The following KCNMA1 variants were observed in gnomAD, a reference collection of about 807,000 sequenced individuals.
KCNMA1 encodes potassium calcium-activated channel subfamily M alpha 1, also known as Calcium-activated potassium channel subunit alpha-1.
KCNMA1 carries 29 observed loss-of-function variants against 140.0 expected under a neutral mutation model. The ratio of observed to expected loss-of-function variants is 0.21; its 90% confidence interval spans 0.15 to 0.28. KCNMA1 has a LOEUF of 0.28. Ranked by LOEUF, KCNMA1 falls within the 10% of genes least tolerant of loss-of-function variation. KCNMA1 has a pLI of 1.00. For synonymous variants in KCNMA1, 612 were observed against 611.9 expected (o/e 1.00, Z 0.00); for missense variants, 880 against 1,602.2 (o/e 0.55, Z 7.70).
chr10:77,321,759 A>G (rs966435371), intron 2 of KCNMA1, among the ~76,000 whole-genome samples: 2 of 151,944 alleles, frequency 1.3e-5, no homozygotes. Flanking sequence ...TTCTTCTGAG[A>G]CTCAAAATAA....
At chr10:77,091,912 T>C (rs544373309) in intron 9 of KCNMA1, 57 of 152,364 alleles carry the variant, frequency 3.7e-4, no homozygotes, top group African/African-American at 1.3e-3. Flanking sequence ...GGTGAAAGGA[T>C]AATGATGCAG....
chr10:77,176,955 G>A (rs1215341031), intron 5 of KCNMA1, among the ~76,000 whole-genome samples: 8 of 152,292 alleles, frequency 5.3e-5, no homozygotes. Context: ...CTTAAAAGTA[G>A]AAGAAGGAGG....
At chr10:77,492,384 C>G (rs1223293256) in intron 1 of KCNMA1, among the ~76,000 whole-genome samples, 5 of 152,214 alleles carry the variant, frequency 3.3e-5, no homozygotes, top group Non-Finnish European at 7.3e-5. Context: ...CCTTGGCCTT[C>G]TGCATCTAAT....
Position 77,554,527 on chromosome 10 carries a change from G to A in KCNMA1, c.378+82738C>T, listed in dbSNP as rs912522500. On this transcript the variant is annotated intron_variant, in intron 1 of 27. Coordinates refer to ENST00000286628, the MANE Select transcript of KCNMA1 (RefSeq NM_001161352.2). ...CAGGAGAATCACTTGAACCTGGGAC[G>A]CAGAGGTTGCAGTGAGCCGAGATTG... Among the ~76,000 whole-genome samples the A allele has an allele frequency of 7.0e-5, 10 of 143,686 alleles. 1 individual carries two copies. The highest frequency in any genetic ancestry group is 2.2e-4 in the Admixed American group (3 of 13,458). 94.3% of individuals were successfully genotyped at this position (143,686 alleles called of 152,430 possible).
chr10:77,115,571 C>T (rs1247064555), intron 6 of KCNMA1, among the ~76,000 whole-genome samples: 1 of 152,152 alleles, frequency 6.6e-6, no homozygotes, highest in African/African-American at 2.4e-5. Flanking sequence ...GGGACCTGAA[C>T]ACAGCAGTGT....
chr10:77,244,149 A>T (rs1470204584), intron 3 of KCNMA1, among the ~76,000 whole-genome samples: 1 of 152,190 alleles, frequency 6.6e-6, no homozygotes, highest in South Asian at 2.1e-4. Context: ...GTAGAAAAGG[A>T]CTGGGAGAGA....
intron 5 of KCNMA1, among the ~76,000 whole-genome samples, chr10:77,172,834 G>C (rs2098720281): frequency 6.6e-6 from 1 of 152,156 alleles, no homozygotes; most frequent in African/African-American, 2.4e-5. Context: ...GAATGTCCCA[G>C]ATCAAGGCGA....
At chr10:76,927,044 T>C (rs1453701489) in intron 23 of KCNMA1, among the ~76,000 whole-genome samples, 1 of 152,136 alleles carries the variant, frequency 6.6e-6, no homozygotes, top group Non-Finnish European at 1.5e-5. Context: ...TCTTCATCTG[T>C]AAAATAGGAA....
rs1371351993 is a variant in KCNMA1, at chr10:76,891,671, C to G, written c.3196G>C (p.Gly1066Arg). The G allele has an allele frequency of 6.2e-7, 1 of 1,613,970 alleles. No individual in the cohort carries two copies. The highest frequency in any genetic ancestry group is 1.3e-5 in the African/African-American group (1 of 74,916). The change falls in exon 26 of 28, where the codon GGA becomes CGA. Residue 1066 changes from glycine to arginine, a missense_variant. Transcript: ENST00000286628. ...GCCTCCAGCTCCGGCGTGGCTCCTCCGGTCACCAGGGTCCGTATCAGGGTG... is the reference window on the plus strand; with the variant it reads ...GCCTCCAGCTCCGGCGTGGCTCCTCGGGTCACCAGGGTCCGTATCAGGGTG... ...ILTLIRTLVT[G>R]GATPELEALI...
intron 1 of KCNMA1, among the ~76,000 whole-genome samples, chr10:77,566,695 C>G (rs1006400799): frequency 2.0e-5 from 3 of 152,198 alleles, no homozygotes; most frequent in African/African-American, 7.2e-5. Context: ...ATGATTCCAT[C>G]TGACTGCTTC....
chr10:77,229,197 T>A (rs1487281098), intron 3 of KCNMA1, among the ~76,000 whole-genome samples: 1 of 152,160 alleles, frequency 6.6e-6, no homozygotes, highest in African/African-American at 2.4e-5. Context: ...AATCTCTAGT[T>A]CAATGGTTAG....
chr10:76,983,940 C>T lies in KCNMA1; in HGVS notation c.2267-13873G>A, dbSNP rs189620910. 4.6e-5 allele frequency among the ~76,000 whole-genome samples: 7 copies of T among 151,924 alleles called. No homozygotes were observed. The East Asian group carries it at 7.7e-4, about 17-fold the overall frequency. On this transcript the variant is annotated intron_variant, in intron 19 of 27. Transcript: ENST00000286628. ...ATATAGCTGTGTCTTTTTTAAAAAA[C>T]GGTTGAAAAATTGGGTATGTGTGGA...
intron 16 of KCNMA1, among the ~76,000 whole-genome samples, chr10:77,027,100 A>C (rs1049458837): frequency 6.6e-6 from 1 of 152,192 alleles, no homozygotes; most frequent in African/African-American, 2.4e-5. Flanking sequence ...CAAAAAAATC[A>C]TCTCTATTTT....
At chr10:76,899,985 T>C (rs1167401965) in intron 25 of KCNMA1, among the ~76,000 whole-genome samples, 1 of 152,114 alleles carries the variant, frequency 6.6e-6, no homozygotes, top group Non-Finnish European at 1.5e-5. Context: ...ACTTTTTCTG[T>C]ATTTAAAATT....
chr10:77,511,522 C>T (rs2048373573), intron 1 of KCNMA1, among the ~76,000 whole-genome samples: 1 of 152,218 alleles, frequency 6.6e-6, no homozygotes, highest in Admixed American at 6.5e-5. Context: ...GTTATTAAAA[C>T]TTCCCAAGCC....
chr10:77,551,818 C>G (rs751970718), intron 1 of KCNMA1, among the ~76,000 whole-genome samples: 1 of 152,156 alleles, frequency 6.6e-6, no homozygotes, highest in African/African-American at 2.4e-5. Flanking sequence ...AGCCATCAAC[C>G]AGAGGACAGA....
At chr10:76,959,710 C>A (rs933924316) in intron 20 of KCNMA1, among the ~76,000 whole-genome samples, 1 of 152,186 alleles carries the variant, frequency 6.6e-6, no homozygotes, top group Non-Finnish European at 1.5e-5. Context: ...ATTATTTCTA[C>A]TACTGCTACT....
At chr10:77,596,960 C>T (rs2081126742) in intron 1 of KCNMA1, among the ~76,000 whole-genome samples, 1 of 152,194 alleles carries the variant, frequency 6.6e-6, no homozygotes, top group East Asian at 1.9e-4. Flanking sequence ...AGCCAGGCAA[C>T]TGAGACTTAG....
At chr10:77,520,045 TGTG>T in intron 1 of KCNMA1, among the ~76,000 whole-genome samples, 1 of 33,872 alleles carries the variant, frequency 3.0e-5, no homozygotes, top group Non-Finnish European at 6.1e-5. Flanking sequence ...GGGTGTGCAG[TGTG>T]AGGGTGTGCA....
Sources: allele counts gnomAD v4.1 joint callset (sites outside exome capture counted in the v4.1 genomes callset), GRCh38; gene constraint gnomAD v4.1.1; transcripts MANE v1.5; gene names NCBI Gene and HGNC (gene_info 2026-07-23, HGNC 2026-07-21).